CMSS1: variants seen among roughly 807,000 people sequenced by gnomAD.
CMSS1 encodes the protein cms1 ribosomal small subunit homolog.
A neutral mutation model predicts 43.5 loss-of-function variants in CMSS1; 33 were observed. The observed-to-expected ratio is 0.76, with a 90% CI of 0.57 to 1.01. The LOEUF (loss-of-function observed/expected upper bound fraction) is 1.01. Among genes scored for constraint, CMSS1 ranks in the 50% least tolerant of loss-of-function variants. The pLI is 0.00. For missense variants in CMSS1, 313 were observed against 326.4 expected (o/e 0.96, Z 0.32); for synonymous variants, 115 against 117.2 (o/e 0.98, Z 0.12).
At chr3:100,071,318 G>A (rs1030474209) in intron 1 of CMSS1, among the ~76,000 whole-genome samples, 2 of 152,106 alleles carry the variant, frequency 1.3e-5, no homozygotes, top group Non-Finnish European at 2.9e-5. Context: ...CAAGAAGACA[G>A]TAAGGGACAG....
At chr3:100,137,324 A>T (rs1456786736) in intron 1 of CMSS1, among the ~76,000 whole-genome samples, 1 of 152,200 alleles carries the variant, frequency 6.6e-6, no homozygotes, top group African/African-American at 2.4e-5. Flanking sequence ...AATGATACTG[A>T]ACTAAATAAA....
chr3:99,850,550 T>G (rs1002188910), intron 1 of CMSS1: 2 of 1,613,834 alleles, frequency 1.2e-6, no homozygotes, highest in Non-Finnish European at 1.7e-6. Flanking sequence ...ACACGTTTCC[T>G]GAGCTCTTCC....
chr3:100,060,836 TG>T, intron 1 of CMSS1, among the ~76,000 whole-genome samples: 1 of 152,276 alleles, frequency 6.6e-6, no homozygotes, highest in East Asian at 1.9e-4. Flanking sequence ...CACTCCATCC[TG>T]GGCAATAGAG....
chr3:99,974,142 A>T (rs886487729), intron 1 of CMSS1, among the ~76,000 whole-genome samples: 5 of 152,194 alleles, frequency 3.3e-5, no homozygotes, highest in African/African-American at 9.7e-5. Flanking sequence ...AATCCTTCTA[A>T]TTGCTTGTAG....
chr3:100,014,157 C>CT (rs1014321841), intron 1 of CMSS1, among the ~76,000 whole-genome samples: 48 of 150,974 alleles, frequency 3.2e-4, no homozygotes, highest in African/African-American at 1.2e-3. Context: ...GAATTTCTTT[C>CT]TTTGTAAACC....
chr3:99,835,634 A>T (rs184013829), intron 1 of CMSS1, among the ~76,000 whole-genome samples: 28 of 152,334 alleles, frequency 1.8e-4, no homozygotes, highest in African/African-American at 5.1e-4. Context: ...GCAAAGTCAT[A>T]TGTGATTCTG....
At chr3:99,973,471 CA>C (rs1195272817) in intron 1 of CMSS1, among the ~76,000 whole-genome samples, 3 of 152,128 alleles carry the variant, frequency 2.0e-5, no homozygotes, top group African/African-American at 7.2e-5. Flanking sequence ...GTTATAAATA[CA>C]TATGAAAATT....
At chr3:99,947,061 C>T (rs1259235813) in intron 1 of CMSS1, among the ~76,000 whole-genome samples, 1 of 139,108 alleles carries the variant, frequency 7.2e-6, no homozygotes, top group Non-Finnish European at 1.5e-5. Flanking sequence ...TCACTTGCAG[C>T]TGGGAGGTAG....
At chr3:100,002,306 CTTG>C (rs1455185321) in intron 1 of CMSS1, among the ~76,000 whole-genome samples, 2 of 152,196 alleles carry the variant, frequency 1.3e-5, no homozygotes, top group East Asian at 1.9e-4. Flanking sequence ...TTCAAAACTT[CTTG>C]TTGTTCAAAA....
intron 1 of CMSS1, among the ~76,000 whole-genome samples, chr3:100,048,741 T>C (rs2065319745): frequency 6.6e-6 from 1 of 152,170 alleles, no homozygotes; most frequent in African/African-American, 2.4e-5. Context: ...CCCCTGTACA[T>C]GGACAAAGAC....
At chr3:100,169,946 A>G (rs56678433) in intron 6 of CMSS1, among the ~76,000 whole-genome samples, 2,240 of 152,354 alleles carry the variant, frequency 0.015, 57 homozygotes, top group African/African-American at 0.052. Context: ...GTCACACTTC[A>G]TTTACCAATT....
chr3:99,903,222 A>T (rs1706494289), intron 1 of CMSS1, among the ~76,000 whole-genome samples: 2 of 152,076 alleles, frequency 1.3e-5, no homozygotes, highest in Admixed American at 6.5e-5. Flanking sequence ...ATCTGTGTGT[A>T]TTCATACATG....
intron 1 of CMSS1, among the ~76,000 whole-genome samples, chr3:99,833,943 A>G (rs1197487172): frequency 1.3e-5 from 2 of 152,272 alleles, no homozygotes; most frequent in Non-Finnish European, 2.9e-5. Context: ...ATAAGCAATG[A>G]TGATGGATAT....
intron 1 of CMSS1, among the ~76,000 whole-genome samples, chr3:99,820,281 C>T (rs947320217): frequency 3.3e-5 from 5 of 151,692 alleles, no homozygotes; most frequent in African/African-American, 1.2e-4. Context: ...ACTGCAACCT[C>T]CACCTCCTGG....
intron 1 of CMSS1, among the ~76,000 whole-genome samples, chr3:99,839,211 T>TA (rs1943025101): frequency 6.6e-6 from 1 of 152,200 alleles, no homozygotes; most frequent in Non-Finnish European, 1.5e-5. Context: ...CTGTAGTACT[T>TA]ACTGTCTATA....
chr3:99,933,229 A>G (rs1170664445), intron 1 of CMSS1, among the ~76,000 whole-genome samples: 2 of 152,192 alleles, frequency 1.3e-5, no homozygotes, highest in Admixed American at 6.5e-5. Context: ...TGGTACAAAT[A>G]CCTTGTCCGA....
chr3:100,000,306 G>A (rs1233119422), intron 1 of CMSS1, among the ~76,000 whole-genome samples: 4 of 152,140 alleles, frequency 2.6e-5, no homozygotes, highest in African/African-American at 9.7e-5. Flanking sequence ...GTCCCTCAAA[G>A]TATTTACTAC....
At chr3:99,971,530 A>G (rs554321952) in intron 1 of CMSS1, among the ~76,000 whole-genome samples, 1 of 152,300 alleles carries the variant, frequency 6.6e-6, no homozygotes, top group South Asian at 2.1e-4. Flanking sequence ...AGATGAAAAT[A>G]TGTTAGTATT....
At position 100,098,341 on chromosome 3, in the gene CMSS1, A is replaced by G. The variant is rs1294984688; in HGVS notation, c.65-48632A>G. Among the ~76,000 whole-genome samples, 5 of 152,186 alleles carry G rather than the reference A, an allele frequency of 3.3e-5. No individual in the cohort carries two copies. In the East Asian group the frequency reaches 7.7e-4, roughly 23 times the overall value. On this transcript the variant is annotated intron_variant, in intron 1 of 9. Transcript: ENST00000421999. ...CCTATATTTGAATGCCATTTCCACC[A>G]TTTAAACTGCTCTTTGACCTTAGGC...
Sources: allele counts gnomAD v4.1 joint callset (sites outside exome capture counted in the v4.1 genomes callset), GRCh38; gene constraint gnomAD v4.1.1; transcripts MANE v1.5; gene names NCBI Gene and HGNC (gene_info 2026-07-23, HGNC 2026-07-21).